Variants in DLG2 observed in about 807,000 individuals in gnomAD.
DLG2 encodes discs large MAGUK scaffold protein 2.
A neutral mutation model predicts 132.5 loss-of-function variants in DLG2; 45 were observed. The observed-to-expected ratio is 0.34, with a 90% CI of 0.27 to 0.44. The LOEUF is 0.44. DLG2 is among the 20% of genes least tolerant of loss of function. The pLI is 1.00. For missense variants in DLG2, 1,045 were observed against 1,196.9 expected, an observed-to-expected ratio of 0.87 and a Z score of 1.87; for synonymous variants, 424 against 419.6, an observed-to-expected ratio of 1.01 and a Z score of -0.13.
intron 21 of DLG2, among the ~76,000 whole-genome samples, chr11:83,501,236 A>G (rs2139110104): frequency 6.6e-6 from 1 of 150,724 alleles, no homozygotes; most frequent in East Asian, 1.9e-4. Context: ...CTAAAATTCA[A>G]AGGTTCTTGT....
chr11:84,356,881 T>G (rs2098616012), intron 7 of DLG2, among the ~76,000 whole-genome samples: 2 of 151,878 alleles, frequency 1.3e-5, no homozygotes, highest in African/African-American at 4.8e-5. Context: ...CAAGAATGAG[T>G]CATGTGAATA....
At position 83,656,676 on chromosome 11, in the gene DLG2, T is replaced by C. The variant is rs79034968; in HGVS notation, c.1826-23351A>G. 6.4e-3 allele frequency among the ~76,000 whole-genome samples: 977 copies of C among 152,344 alleles called. 10 individuals are homozygous for C. The highest frequency in any genetic ancestry group is 0.022 in the African/African-American group (923 of 41,574). Reference sequence around the variant, plus strand: ...AAGTCATTTCCTCTCTCTCCCTCTATTGATTCCTAAAGGGACACATTGATC... The same window carrying C: ...AAGTCATTTCCTCTCTCTCCCTCTACTGATTCCTAAAGGGACACATTGATC... On this transcript the variant is annotated intron_variant, in intron 18 of 27. Transcript: ENST00000376104.
intron 6 of DLG2, among the ~76,000 whole-genome samples, chr11:85,011,122 C>T (rs530452161): frequency 1.3e-5 from 2 of 152,246 alleles, no homozygotes; most frequent in East Asian, 3.9e-4. Flanking sequence ...CCAACACTTA[C>T]AAACAAGCCT....
At chr11:84,300,936 C>G (rs932842988) in intron 7 of DLG2, among the ~76,000 whole-genome samples, 1 of 152,188 alleles carries the variant, frequency 6.6e-6, no homozygotes. Context: ...AATAATCAGT[C>G]TCTCTTATTT....
chr11:85,371,855 G>T, intron 3 of DLG2, among the ~76,000 whole-genome samples: 1 of 152,150 alleles, frequency 6.6e-6, no homozygotes, highest in East Asian at 1.9e-4. Flanking sequence ...CAGTCCAAAA[G>T]GCCTATGTAG....
Position 83,567,647 on chromosome 11 carries a change from G to C in DLG2, c.1941-25789C>G, listed in dbSNP as rs547040352. The stretch of plus-strand genomic sequence containing the variant: ...TGCTAAAGGCGTAGATTGCAACAGA[G>C]GACTTAATCCCAAGAAGAAAGAGTT... On this transcript the variant is annotated intron_variant, in intron 19 of 27. Transcript: ENST00000376104. Among the ~76,000 whole-genome samples the C allele has an allele frequency of 3.9e-5, 6 of 152,250 alleles. No individual in the cohort carries two copies. The South Asian group carries it at 6.2e-4, about 16-fold the overall frequency.
chr11:85,448,562 T>C (rs2092108379), intron 3 of DLG2, among the ~76,000 whole-genome samples: 1 of 152,196 alleles, frequency 6.6e-6, no homozygotes, highest in African/African-American at 2.4e-5. Context: ...ACTGCTTTCT[T>C]ACTGAAAAAC....
chr11:85,092,643 C>CTT (rs551838341), intron 6 of DLG2, among the ~76,000 whole-genome samples: 2,483 of 132,194 alleles, frequency 0.019, 40 homozygotes, highest in Admixed American at 0.04. Context: ...GTACACGTGA[C>CTT]TTTTTTTTTT....
intron 3 of DLG2, among the ~76,000 whole-genome samples, chr11:85,485,481 A>T (rs1181895106): frequency 2.0e-5 from 3 of 152,234 alleles, no homozygotes; most frequent in African/African-American, 7.2e-5. Flanking sequence ...CATGAAAAGG[A>T]ACCAGAATAG....
At chr11:83,882,571 T>G (rs765840935) in intron 15 of DLG2, among the ~76,000 whole-genome samples, 1 of 152,214 alleles carries the variant, frequency 6.6e-6, no homozygotes, top group Non-Finnish European at 1.5e-5. Flanking sequence ...AAAAAATAAA[T>G]TGGATATGCT....
intron 6 of DLG2, among the ~76,000 whole-genome samples, chr11:84,777,939 C>A (rs768245094): frequency 3.9e-5 from 6 of 152,088 alleles, no homozygotes; most frequent in Non-Finnish European, 7.4e-5. Flanking sequence ...CTTTGCTGTG[C>A]AGAAGATTTT....
At chr11:84,187,363 T>A (rs1040138364) in intron 8 of DLG2, among the ~76,000 whole-genome samples, 1 of 152,024 alleles carries the variant, frequency 6.6e-6, no homozygotes, top group Admixed American at 6.6e-5. Context: ...GTAAAGGCTC[T>A]TGAAGGTGGT....
chr11:85,188,971 A>G (rs1368830789), intron 4 of DLG2, among the ~76,000 whole-genome samples: 2 of 152,210 alleles, frequency 1.3e-5, no homozygotes, highest in African/African-American at 4.8e-5. Flanking sequence ...AAAACTGCTA[A>G]TCTATAGATC....
intron 6 of DLG2, among the ~76,000 whole-genome samples, chr11:85,028,786 G>A (rs1186067420): frequency 1.3e-5 from 2 of 152,078 alleles, no homozygotes; most frequent in East Asian, 3.9e-4. Context: ...GGGAAATCCA[G>A]GTCACTGCTG....
Position 84,600,268 on chromosome 11 carries a change from C to T in DLG2, c.358-65537G>A, listed in dbSNP as rs1331031441. Among the ~76,000 whole-genome samples the T allele has an allele frequency of 7.3e-5, 11 of 150,520 alleles. 1 individual carries two copies. In the South Asian group the frequency reaches 1.1e-3, roughly 15 times the overall value. ...GCAAGCAAGCAAGCAGGCAGGCAGG[C>T]GGCAGGCCGGACACAGGGAGGAGTA... is the stretch of plus-strand genomic sequence containing the variant. On this transcript the variant is annotated intron_variant, in intron 6 of 27. Coordinates refer to ENST00000376104, the MANE Select transcript of DLG2 (RefSeq NM_001142699.3).
At chr11:83,831,189 C>A (rs556343863) in intron 17 of DLG2, among the ~76,000 whole-genome samples, 44 of 152,276 alleles carry the variant, frequency 2.9e-4, no homozygotes, top group Admixed American at 1.4e-3. Flanking sequence ...TACAGAAAGA[C>A]AGACATGTAA....
At chr11:84,883,814 G>T (rs893769540) in intron 6 of DLG2, among the ~76,000 whole-genome samples, 1 of 152,058 alleles carries the variant, frequency 6.6e-6, no homozygotes, top group African/African-American at 2.4e-5. Flanking sequence ...AGAAGCAATA[G>T]GGTGATACTA....
At chr11:83,878,166 A>G (rs1238166039) in intron 15 of DLG2, among the ~76,000 whole-genome samples, 1 of 152,146 alleles carries the variant, frequency 6.6e-6, no homozygotes, top group Non-Finnish European at 1.5e-5. Flanking sequence ...ATGAATCACT[A>G]AGATTTATTC....
At chr11:84,258,073 A>T (rs2097503196) in intron 7 of DLG2, among the ~76,000 whole-genome samples, 1 of 152,168 alleles carries the variant, frequency 6.6e-6, no homozygotes. Context: ...GGCTGGCCCA[A>T]GAACCTTCCC....
Sources: allele counts gnomAD v4.1 joint callset (sites outside exome capture counted in the v4.1 genomes callset), GRCh38; gene constraint gnomAD v4.1.1; transcripts MANE v1.5; gene names NCBI Gene and HGNC (gene_info 2026-07-23, HGNC 2026-07-21).